JMJD1C: variants seen among roughly 807,000 people sequenced by gnomAD.
JMJD1C encodes the protein jumonji domain-containing protein 1C.
JMJD1C carries 31 observed loss-of-function variants against 245.3 expected under a neutral mutation model. That is an observed-to-expected ratio of 0.13 (90% confidence interval 0.09 to 0.17). The LOEUF is 0.17. JMJD1C is among the 10% of genes least tolerant of loss of function. The pLI is 1.00. For missense variants in JMJD1C, 2,691 were observed against 3,000.2 expected, an observed-to-expected ratio of 0.90 and a Z score of 2.41; for synonymous variants, 1,057 against 1,017.4, an observed-to-expected ratio of 1.04 and a Z score of -0.74.
chr10:63,210,468 T>G (rs1440300546), intron 8 of JMJD1C, among the ~76,000 whole-genome samples: 1 of 152,232 alleles, frequency 6.6e-6, no homozygotes, highest in African/African-American at 2.4e-5. Flanking sequence ...AAATATTTTA[T>G]GTACTTATAA....
intron 2 of JMJD1C, among the ~76,000 whole-genome samples, chr10:63,295,770 C>G (rs898269378): frequency 1.1e-4 from 17 of 151,972 alleles, no homozygotes; most frequent in African/African-American, 4.1e-4. Flanking sequence ...TACTGAGCTA[C>G]TGTTCTTAAG....
At chr10:63,174,716 C>T (rs919802098) in intron 24 of JMJD1C, among the ~76,000 whole-genome samples, 9 of 152,032 alleles carry the variant, frequency 5.9e-5, no homozygotes, top group African/African-American at 1.9e-4. Flanking sequence ...GCCTGTAATC[C>T]GCAGCTACTC....
At chr10:63,238,197 A>AG (rs1851016929) in intron 3 of JMJD1C, among the ~76,000 whole-genome samples, 1 of 149,618 alleles carries the variant, frequency 6.7e-6, no homozygotes, top group Non-Finnish European at 1.5e-5. Flanking sequence ...AAAAAAAAAG[A>AG]AAAAAAGGAA....
intron 3 of JMJD1C, among the ~76,000 whole-genome samples, chr10:63,235,643 C>A (rs1260167177): frequency 6.6e-6 from 1 of 152,156 alleles, no homozygotes; most frequent in Non-Finnish European, 1.5e-5. Flanking sequence ...TAAATTGTCA[C>A]AAGAGAAGCA....
intron 1 of JMJD1C, among the ~76,000 whole-genome samples, chr10:63,430,375 A>C (rs1444184507): frequency 6.6e-6 from 1 of 152,238 alleles, no homozygotes; most frequent in Non-Finnish European, 1.5e-5. Flanking sequence ...AAGACAAGCT[A>C]AAGAATAGAA....
chr10:63,203,699 GA>G, intron 10 of JMJD1C: 1 of 983,798 alleles, frequency 1.0e-6, no homozygotes, highest in East Asian at 1.1e-4. Flanking sequence ...TAGCAGAGAG[GA>G]AGACATTCCA....
intron 1 of JMJD1C, among the ~76,000 whole-genome samples, chr10:63,423,064 A>C (rs976246078): frequency 6.6e-6 from 1 of 151,714 alleles, no homozygotes; most frequent in African/African-American, 2.4e-5. Context: ...TCCTGGGTTC[A>C]AGCAATTCTC....
At chr10:63,504,953 G>A (rs1033076725) in intron 1 of JMJD1C, among the ~76,000 whole-genome samples, 8 of 152,236 alleles carry the variant, frequency 5.3e-5, no homozygotes, top group African/African-American at 1.9e-4. Context: ...AGGAGTTTGA[G>A]GTGAGCTATG....
At chr10:63,392,880 ACACACAC>A (rs1948183676) in intron 1 of JMJD1C, among the ~76,000 whole-genome samples, 2 of 148,810 alleles carry the variant, frequency 1.3e-5, no homozygotes, top group Non-Finnish European at 1.5e-5. Flanking sequence ...ACACACACAC[ACACACAC>A]ACACACACAC....
At position 63,168,193 on chromosome 10, in the gene JMJD1C, G is replaced by A. The variant is rs1391703068; in HGVS notation, c.7534-59C>T. 10 of 1,277,268 alleles carry A rather than the reference G, an allele frequency of 7.8e-6. No individual in the cohort carries two copies. In the East Asian group the frequency reaches 1.2e-4, roughly 15 times the overall value. The allele number at this position is 1,277,268 out of a possible 1,614,324, so 79.1% of individuals were successfully genotyped here. A position where few individuals can be genotyped will look rare whatever the true frequency, so the allele number is the denominator to read the frequency against. ...GTTCGACAGAAATTAATTAAAAAAT[G>A]ACAACTTCCAGATTTAAAAAAATAA... On this transcript the variant is annotated intron_variant, in intron 25 of 25. Coordinates refer to ENST00000399262, the MANE Select transcript of JMJD1C (RefSeq NM_032776.3).
intron 1 of JMJD1C, among the ~76,000 whole-genome samples, chr10:63,457,133 C>A (rs555027146): frequency 1.3e-5 from 2 of 152,062 alleles, no homozygotes; most frequent in South Asian, 4.2e-4. Context: ...ATAGATATAA[C>A]CCAAATAAAT....
rs566246925 is a variant in JMJD1C, at chr10:63,521,526, G to A, written n.113+212C>T. 2.3e-4 allele frequency: 333 copies of A among 1,419,574 alleles called. 1 individual carries two copies. In the South Asian group the frequency reaches 4.7e-3, roughly 20 times the overall value. The allele number at this position is 1,419,574 out of a possible 1,614,324, so 87.9% of individuals were successfully genotyped here. ...CCTGCGCCCACCCGCCCCGGACGTG[G>A]GGCCCAAGCCCCCGTGAAGATGGTG... On this transcript the variant is annotated intron_variant and non_coding_transcript_variant, in intron 1 of 3. Transcript: ENST00000633035.
rs71025156 is a variant in JMJD1C at position 63,314,956 on chromosome 10, G to GTTT, written c.334-50195_334-50193dup. On this transcript the variant is annotated intron_variant, in intron 2 of 25. Transcript: ENST00000399262. ...GAGTTCACTGTGCCCAGCCTTTTTTGTTTTTTTTTTTTTTTTGAGACAGGG... is the reference window on the plus strand; with the variant it reads ...GAGTTCACTGTGCCCAGCCTTTTTTGTTTTTTTTTTTTTTTTTTTGAGACAGGG... Among the ~76,000 whole-genome samples the GTTT allele has an allele frequency of 1.7e-3, 222 of 133,450 alleles. 3 individuals are homozygous for GTTT. Among genetic ancestry groups the GTTT allele is most frequent in the Admixed American group, 6.6e-3 (84 of 12,664 alleles). 87.5% of individuals were successfully genotyped at this position (133,450 alleles called of 152,430 possible).
chr10:63,168,605 G>A, intron 24 of JMJD1C, 39 bp from the exon 25 acceptor site: 2 of 1,520,742 alleles, frequency 1.3e-6, no homozygotes, highest in Non-Finnish European at 8.8e-7. Flanking sequence ...CAAGTTTTAG[G>A]AGGTGGAGCA....
At chr10:63,400,956 G>A (rs1948812968) in intron 1 of JMJD1C, among the ~76,000 whole-genome samples, 1 of 151,430 alleles carries the variant, frequency 6.6e-6, no homozygotes, top group South Asian at 2.1e-4. Context: ...CGCCTCCCGG[G>A]TTCAAGCAGT....
intron 2 of JMJD1C, among the ~76,000 whole-genome samples, chr10:63,329,515 A>C (rs1402876235): frequency 1.3e-5 from 2 of 151,544 alleles, no homozygotes; most frequent in Non-Finnish European, 2.9e-5. Context: ...GAAAAAGTCA[A>C]CTGCGGGGCC....
intron 3 of JMJD1C, among the ~76,000 whole-genome samples, chr10:63,258,592 T>C (rs1458207525): frequency 1.3e-5 from 2 of 152,194 alleles, no homozygotes; most frequent in East Asian, 3.8e-4. Flanking sequence ...CTGGCAAATG[T>C]CTGGATTACC....
intron 2 of JMJD1C, among the ~76,000 whole-genome samples, chr10:63,278,279 A>G (rs1286226063): frequency 6.6e-6 from 1 of 151,654 alleles, no homozygotes; most frequent in Non-Finnish European, 1.5e-5. Context: ...TGAGGTTGGG[A>G]GTTTGAGACC....
At chr10:63,182,524 G>A (rs922120467) in intron 22 of JMJD1C, among the ~76,000 whole-genome samples, 1 of 152,158 alleles carries the variant, frequency 6.6e-6, no homozygotes, top group Non-Finnish European at 1.5e-5. Context: ...CCAATAGGAT[G>A]GAAAGGTTTA....
Sources: allele counts gnomAD v4.1 joint callset (sites outside exome capture counted in the v4.1 genomes callset), GRCh38; gene constraint gnomAD v4.1.1; transcripts MANE v1.5; gene names NCBI Gene and HGNC (gene_info 2026-07-23, HGNC 2026-07-21).